The following KIAA0319 variants were observed in gnomAD, a reference collection of about 807,000 sequenced individuals.
The protein encoded by KIAA0319 is KIAA0319, also known as dyslexia-associated protein KIAA0319.
KIAA0319 carries 83 observed loss-of-function variants against 108.4 expected under a neutral mutation model. The ratio of observed to expected loss-of-function variants is 0.77; its 90% CI spans 0.64 to 0.92. The LOEUF is 0.92. Ranked by LOEUF, KIAA0319 falls within the 40% of genes least tolerant of loss-of-function variation. KIAA0319 has a pLI of 0.00. For synonymous variants in KIAA0319, 484 were observed against 510.4 expected, an observed-to-expected ratio of 0.95 and a Z score of 0.70; for missense variants, 1,195 against 1,322.4, an observed-to-expected ratio of 0.90 and a Z score of 1.49.
intron 3 of KIAA0319, among the ~76,000 whole-genome samples, chr6:24,589,174 G>T (rs768929724): frequency 1.3e-5 from 2 of 152,278 alleles, no homozygotes; most frequent in Non-Finnish European, 2.9e-5. Context: ...TAGGGCCTTT[G>T]GGAAGTAATT....
At chr6:24,597,943 A>AAAAAAAAAAC in intron 2 of KIAA0319, 1 of 149,382 alleles carries the variant, frequency 6.7e-6, no homozygotes, top group Non-Finnish European at 1.5e-5. Context: ...AAAAAAAAAA[A>AAAAAAAAAAC]AAAAAAACCA....
chr6:24,610,219 A>ATAAG (rs1356521922), intron 1 of KIAA0319, among the ~76,000 whole-genome samples: 1 of 152,218 alleles, frequency 6.6e-6, no homozygotes. Context: ...AAATATACAA[A>ATAAG]TAAGTATTAT....
intron 13 of KIAA0319, 75 bp from the exon 14 acceptor site, chr6:24,566,823 A>G: frequency 4.5e-6 from 6 of 1,334,752 alleles, no homozygotes; most frequent in Non-Finnish European, 6.2e-6. Context: ...GTGTCATAAA[A>G]CATCCACAAC....
chr6:24,568,651 G>T, intron 13 of KIAA0319, 130 bp downstream of exon 13: 1 of 893,526 alleles, frequency 1.1e-6, no homozygotes, highest in Non-Finnish European at 1.6e-6. Context: ...TTTTCAGCCA[G>T]GCAGGGTTCG....
intron 4 of KIAA0319, among the ~76,000 whole-genome samples, chr6:24,587,040 C>T (rs1178602778): frequency 2.0e-5 from 3 of 152,128 alleles, no homozygotes; most frequent in African/African-American, 7.2e-5. Context: ...ACCGATGACT[C>T]GTAATCCTTT....
At chr6:24,619,132 T>C (rs1773568668) in intron 1 of KIAA0319, among the ~76,000 whole-genome samples, 1 of 151,822 alleles carries the variant, frequency 6.6e-6, no homozygotes, top group African/African-American at 2.4e-5. Flanking sequence ...AAGGTCAGGG[T>C]GGGGGACAAT....
chr6:24,617,171 TA>T (rs960743835), intron 1 of KIAA0319, among the ~76,000 whole-genome samples: 18 of 151,586 alleles, frequency 1.2e-4, no homozygotes, highest in African/African-American at 4.1e-4. Flanking sequence ...TCATAATAAC[TA>T]AAAAAATACT....
At chr6:24,617,273 G>T (rs530002668) in intron 1 of KIAA0319, among the ~76,000 whole-genome samples, 1 of 151,944 alleles carries the variant, frequency 6.6e-6, no homozygotes, top group South Asian at 2.1e-4. Context: ...TGATCTAGTA[G>T]CAGAGCACTT....
At chr6:24,602,909 C>G (rs906389039) in intron 1 of KIAA0319, among the ~76,000 whole-genome samples, 4 of 152,178 alleles carry the variant, frequency 2.6e-5, no homozygotes, top group African/African-American at 9.7e-5. Context: ...ACTGCATTGA[C>G]AAGTTATTGG....
chr6:24,576,298 C>G, intron 10 of KIAA0319, 70 bp downstream of exon 10: 1 of 1,231,400 alleles, frequency 8.1e-7, no homozygotes, highest in South Asian at 1.3e-5. Context: ...CCTACCCCAA[C>G]CAATAGCACA....
At chr6:24,576,657 C>T (rs1168100982) in intron 9 of KIAA0319, 61 bp from the exon 10 acceptor site, 10 of 1,318,742 alleles carry the variant, frequency 7.6e-6, no homozygotes, top group South Asian at 2.4e-5. Context: ...CAGTGACTCA[C>T]GCCTGTAATC....
chr6:24,639,949 T>C (rs1214254557), intron 1 of KIAA0319, among the ~76,000 whole-genome samples: 1 of 151,784 alleles, frequency 6.6e-6, no homozygotes, highest in Non-Finnish European at 1.5e-5. Context: ...TTATTCAAAC[T>C]AAAATGTCAA....
chr6:24,624,889 A>G (rs1582293024), intron 1 of KIAA0319, among the ~76,000 whole-genome samples: 1 of 152,186 alleles, frequency 6.6e-6, no homozygotes, highest in East Asian at 1.9e-4. Context: ...TGTCCTATTC[A>G]AGATTTCTGC....
At chr6:24,556,760 C>A (rs1215183753) in intron 17 of KIAA0319, 31 bp from the exon 18 acceptor site, 4 of 1,590,664 alleles carry the variant, frequency 2.5e-6, no homozygotes, top group African/African-American at 1.3e-5. Context: ...CTGAGGGCAG[C>A]ATGCAGAAAA....
rs553272565 is a variant in KIAA0319, at chr6:24,629,074, G to A, written c.-106+16662C>T. Among the ~76,000 whole-genome samples the A allele has an allele frequency of 6.6e-5, 10 of 152,224 alleles. No homozygotes were observed. In the South Asian group the frequency reaches 1.5e-3, roughly 22 times the overall value. On this transcript the variant is annotated intron_variant, in intron 1 of 20. Transcript: ENST00000378214. Reference sequence around the variant, plus strand: ...AATTTGCCTGTCCTGTCCCATTAGCGACTGCATGAAGTACCTAGAGCAGAC... The same window carrying A: ...AATTTGCCTGTCCTGTCCCATTAGCAACTGCATGAAGTACCTAGAGCAGAC...
chr6:24,555,387 C>T (rs1039486502), intron 18 of KIAA0319, among the ~76,000 whole-genome samples: 1 of 149,942 alleles, frequency 6.7e-6, no homozygotes, highest in Non-Finnish European at 1.5e-5. Context: ...ATACCAGCTA[C>T]TTGGGAGGCT....
intron 1 of KIAA0319, among the ~76,000 whole-genome samples, chr6:24,602,891 T>G (rs778231692): frequency 1.3e-5 from 2 of 152,130 alleles, no homozygotes; most frequent in African/African-American, 4.8e-5. Flanking sequence ...AACCAACGGG[T>G]ATCAATAACT....
At chr6:24,641,274 A>C (rs1422988117) in intron 1 of KIAA0319, among the ~76,000 whole-genome samples, 1 of 152,224 alleles carries the variant, frequency 6.6e-6, no homozygotes, top group African/African-American at 2.4e-5. Context: ...TATTGTGTAT[A>C]TTTAACATAT....
intron 9 of KIAA0319, 83 bp from the exon 10 acceptor site, chr6:24,576,679 G>A: frequency 9.1e-7 from 1 of 1,093,302 alleles, no homozygotes; most frequent in Non-Finnish European, 1.4e-6. Flanking sequence ...CAACACTGTG[G>A]GAAGCTGAGG....
Sources: gnomAD v4.1 joint callset for allele counts (sites outside exome capture counted in the v4.1 genomes callset) on GRCh38, gnomAD v4.1.1 for gene constraint, MANE v1.5 for transcripts, NCBI Gene and HGNC (gene_info 2026-07-23, HGNC 2026-07-21) for gene names.